Variants in ABCC4 observed in about 807,000 individuals in gnomAD.
The protein encoded by ABCC4 is ATP binding cassette subfamily C member 4 (PEL blood group), also known as ATP-binding cassette sub-family C member 4.
A neutral mutation model predicts 168.5 loss-of-function variants in ABCC4; 102 were observed. The ratio of observed to expected loss-of-function variants is 0.61; its 90% CI spans 0.52 to 0.71. The LOEUF (loss-of-function observed/expected upper bound fraction) is 0.71, where lower values mean the gene tolerates loss of function less well. ABCC4 is among the 30% of genes least tolerant of loss of function. The pLI is 0.00. For missense variants in ABCC4, 1,402 were observed against 1,605.8 expected (o/e 0.87, Z 2.17); for synonymous variants, 617 against 590.7 (o/e 1.04, Z -0.65).
chr13:95,179,965 A>G (rs1330316133), intron 11 of ABCC4, among the ~76,000 whole-genome samples: 1 of 152,246 alleles, frequency 6.6e-6, no homozygotes, highest in East Asian at 1.9e-4. Flanking sequence ...TGAGTTCATT[A>G]TCATTTGCTA....
intron 13 of ABCC4, among the ~76,000 whole-genome samples, chr13:95,173,620 T>C (rs989991667): frequency 4.6e-5 from 7 of 152,060 alleles, no homozygotes; most frequent in African/African-American, 1.4e-4. Flanking sequence ...GAAAGGTGAA[T>C]GGGGCAGACT....
intron 5 of ABCC4, among the ~76,000 whole-genome samples, 162 bp downstream of exon 5, chr13:95,210,530 G>A (rs1627705): frequency 1.6e-3 from 247 of 152,314 alleles, no homozygotes; most frequent in African/African-American, 5.8e-3. Flanking sequence ...TGAGACAGGA[G>A]GATCGCACAT....
intron 1 of ABCC4, among the ~76,000 whole-genome samples, chr13:95,263,484 C>A (rs2040588441): frequency 6.6e-6 from 1 of 151,646 alleles, no homozygotes; most frequent in Non-Finnish European, 1.5e-5. Context: ...TACATTCTAG[C>A]TTTGTCCGCT....
intron 25 of ABCC4, among the ~76,000 whole-genome samples, chr13:95,066,579 G>A (rs2033555310): frequency 6.6e-6 from 1 of 152,170 alleles, no homozygotes; most frequent in Non-Finnish European, 1.5e-5. Context: ...CAATAAGCTA[G>A]GTGTTTTACA....
At chr13:95,250,562 A>G (rs2040227599) in intron 1 of ABCC4, among the ~76,000 whole-genome samples, 1 of 152,128 alleles carries the variant, frequency 6.6e-6, no homozygotes, top group Non-Finnish European at 1.5e-5. Flanking sequence ...TCAATGCCCA[A>G]CACAGGAAGC....
chr13:95,147,064 G>A (rs1023254312), intron 19 of ABCC4, among the ~76,000 whole-genome samples: 2 of 152,170 alleles, frequency 1.3e-5, no homozygotes, highest in Non-Finnish European at 2.9e-5. Context: ...TCGCAGTTCA[G>A]AGCTGAGGGC....
chr13:95,175,995 G>A (rs531365129), intron 13 of ABCC4, among the ~76,000 whole-genome samples: 19 of 152,022 alleles, frequency 1.2e-4, no homozygotes, highest in Admixed American at 7.9e-4. Flanking sequence ...ACTCCTTCCC[G>A]TCTGCACACC....
intron 9 of ABCC4, among the ~76,000 whole-genome samples, chr13:95,191,057 G>A (rs2139633498): frequency 6.6e-6 from 1 of 152,318 alleles, no homozygotes; most frequent in Admixed American, 6.5e-5. Context: ...AAGCACGCAT[G>A]GAGTCAACCA....
intron 30 of ABCC4, among the ~76,000 whole-genome samples, chr13:95,023,963 T>G (rs992165877): frequency 2.6e-5 from 4 of 152,080 alleles, no homozygotes; most frequent in Non-Finnish European, 2.9e-5. Context: ...TCTCAGCAGT[T>G]TGGGAGGCCA....
At chr13:95,195,867 C>G (rs2038400828) in intron 8 of ABCC4, among the ~76,000 whole-genome samples, 1 of 152,138 alleles carries the variant, frequency 6.6e-6, no homozygotes, top group Non-Finnish European at 1.5e-5. Flanking sequence ...CTGCTGGCCT[C>G]AAGCAATCTA....
At chr13:95,098,923 C>A (rs2034701919) in intron 20 of ABCC4, among the ~76,000 whole-genome samples, 1 of 152,150 alleles carries the variant, frequency 6.6e-6, no homozygotes, top group Non-Finnish European at 1.5e-5. Flanking sequence ...TATATTGCCA[C>A]TGGGTGTGTA....
chr13:95,263,314 C>T (rs1021012763), intron 1 of ABCC4, among the ~76,000 whole-genome samples: 16 of 152,204 alleles, frequency 1.1e-4, no homozygotes, highest in Non-Finnish European at 1.5e-4. Flanking sequence ...CCCTGTATTT[C>T]GCCTGGAAGC....
chr13:95,212,360 G>A (rs1486253903), intron 4 of ABCC4, among the ~76,000 whole-genome samples: 2 of 152,066 alleles, frequency 1.3e-5, no homozygotes, highest in Non-Finnish European at 2.9e-5. Flanking sequence ...TATTTATAAA[G>A]CCAGTCTTAC....
At chr13:95,226,110 C>T (rs182035754) in intron 4 of ABCC4, among the ~76,000 whole-genome samples, 2 of 150,760 alleles carry the variant, frequency 1.3e-5, no homozygotes, top group African/African-American at 2.4e-5. Context: ...GATAGAATTG[C>T]CCTGTTGGAG....
Position 95,163,233 on chromosome 13 carries a change from G to T in ABCC4, c.2214-17C>A. 1 of 1,488,196 alleles carries T rather than the reference G, an allele frequency of 6.7e-7. No homozygotes were observed. Among genetic ancestry groups the T allele is most frequent in the Non-Finnish European group, 9.2e-7 (1 of 1,082,244 alleles). 92.2% of individuals were successfully genotyped at this position (1,488,196 alleles called of 1,614,324 possible). On this transcript the variant is annotated splice_polypyrimidine_tract_variant and intron_variant, in intron 17 of 30. Coordinates refer to ENST00000645237, the MANE Select transcript of ABCC4 (RefSeq NM_005845.5). ...TTGTTTGCCCTATGGAACATGGGGA[G>T]AAAAAAATATTAAGCTATATATGAA...
Position 95,043,741 on chromosome 13 carries a change from A to C in ABCC4, c.3676T>G (p.Cys1226Gly). 1 of 1,614,064 alleles carries C rather than the reference A, an allele frequency of 6.2e-7. No individual in the cohort carries two copies. The highest frequency in any genetic ancestry group is 8.5e-7 in the Non-Finnish European group (1 of 1,179,954). Residue 1226 changes from cysteine (C) to glycine (G), a missense_variant, in exon 29 of 31, where the codon TGC becomes GGC. Physicochemically the swap from Cys to Gly is radical, Grantham distance 159. This residue lies in a region of ABCC4 where 1,007 missense variants were observed against 1,127.3 expected (regional missense o/e 0.89). Transcript: ENST00000645237. Reference sequence around the variant, plus strand: ...CTGTGTGCAATGGTTAGCACGGTGCAGTGGGCAAATTTCTCCCGGATTTTT... The same window carrying C: ...CTGTGTGCAATGGTTAGCACGGTGCCGTGGGCAAATTTCTCCCGGATTTTT... Reference protein sequence around the residue: ...QKKIREKFAHCTVLTIAHRLN... With the variant: ...QKKIREKFAHGTVLTIAHRLN...
chr13:95,152,066 A>T (rs1295011355), intron 19 of ABCC4, among the ~76,000 whole-genome samples: 1 of 152,180 alleles, frequency 6.6e-6, no homozygotes, highest in Non-Finnish European at 1.5e-5. Flanking sequence ...AACCCCCAAA[A>T]AAGTTATTAG....
At chr13:95,151,059 G>A (rs1211082927) in intron 19 of ABCC4, among the ~76,000 whole-genome samples, 2 of 152,240 alleles carry the variant, frequency 1.3e-5, no homozygotes, top group African/African-American at 4.8e-5. Flanking sequence ...AGACATATCT[G>A]ATGGAGCTAT....
chr13:95,172,599 A>T (rs2037517062), intron 13 of ABCC4, among the ~76,000 whole-genome samples: 2 of 151,708 alleles, frequency 1.3e-5, no homozygotes, highest in Admixed American at 6.6e-5. Context: ...GACAACATTA[A>T]GAGCTGACAC....
Sources: allele counts gnomAD v4.1 joint callset (sites outside exome capture counted in the v4.1 genomes callset), GRCh38; gene constraint gnomAD v4.1.1; regional missense constraint gnomAD v4.1.1; transcripts MANE v1.5; gene names NCBI Gene and HGNC (gene_info 2026-07-23, HGNC 2026-07-21).